The following STK10 variants were observed in gnomAD, a reference collection of about 807,000 sequenced individuals.
The protein encoded by STK10 is serine/threonine-protein kinase 10.
STK10 carries 78 observed loss-of-function variants against 113.8 expected under a neutral mutation model. The observed-to-expected ratio is 0.69, with a 90% CI of 0.57 to 0.83. The LOEUF (loss-of-function observed/expected upper bound fraction) is 0.83. Ranked by LOEUF, STK10 falls within the 40% of genes least tolerant of loss-of-function variation. The pLI is 0.00. For missense variants in STK10, 1,109 were observed against 1,280.1 expected (o/e 0.87, Z 2.04); for synonymous variants, 465 against 494.7 (o/e 0.94, Z 0.80).
At chr5:172,065,374 A>G (rs1165405778) in intron 12 of STK10, among the ~76,000 whole-genome samples, 1 of 145,762 alleles carries the variant, frequency 6.9e-6, no homozygotes, top group Non-Finnish European at 1.5e-5. Flanking sequence ...ACAAGTGTGC[A>G]CCACCACACC....
chr5:172,111,880 A>G (rs1253735930), intron 4 of STK10, among the ~76,000 whole-genome samples: 1 of 152,258 alleles, frequency 6.6e-6, no homozygotes, highest in East Asian at 1.9e-4. Context: ...TTACTCATAT[A>G]TGTAAAAAAT....
intron 1 of STK10, among the ~76,000 whole-genome samples, chr5:172,158,595 C>T (rs892574397): frequency 1.4e-4 from 22 of 152,206 alleles, no homozygotes; most frequent in Non-Finnish European, 2.2e-4. Context: ...CGACTGCACT[C>T]CAGCCTGGAT....
At chr5:172,089,026 G>A (rs747162540) in intron 10 of STK10, among the ~76,000 whole-genome samples, 11 of 151,948 alleles carry the variant, frequency 7.2e-5, no homozygotes, top group Non-Finnish European at 1.3e-4. Flanking sequence ...CCCTCTTCCC[G>A]GCCACTGCCC....
chr5:172,118,822 T>TA (rs1561815131), intron 3 of STK10, among the ~76,000 whole-genome samples: 1 of 141,822 alleles, frequency 7.1e-6, no homozygotes, highest in African/African-American at 2.7e-5. Flanking sequence ...GAGGTTGCAG[T>TA]GAGCCGAGAT....
intron 2 of STK10, among the ~76,000 whole-genome samples, chr5:172,152,914 G>T (rs568655199): frequency 6.6e-6 from 1 of 152,186 alleles, no homozygotes; most frequent in South Asian, 2.1e-4. Flanking sequence ...TTATACACTG[G>T]GTTAAATAAA....
At chr5:172,113,143 G>GT (rs908713113) in intron 4 of STK10, among the ~76,000 whole-genome samples, 1 of 152,152 alleles carries the variant, frequency 6.6e-6, no homozygotes. Context: ...GGTTTTGTGG[G>GT]TTTTTTTGTT....
intron 2 of STK10, among the ~76,000 whole-genome samples, chr5:172,140,555 G>C (rs1008364043): frequency 6.6e-5 from 10 of 152,180 alleles, no homozygotes; most frequent in African/African-American, 2.2e-4. Context: ...AAATTAGCCT[G>C]GTGTGGTGGC....
chr5:172,126,831 C>T (rs1769631924), intron 3 of STK10, among the ~76,000 whole-genome samples: 1 of 152,132 alleles, frequency 6.6e-6, no homozygotes, highest in Admixed American at 6.5e-5. Flanking sequence ...CTCGGTTTTA[C>T]CTCCTGAGAG....
At position 172,061,280 on chromosome 5, in the gene STK10, G is replaced by A; in HGVS notation, c.2083-12C>T. The A allele has an allele frequency of 6.2e-7, 1 of 1,607,222 alleles. No homozygotes were observed. Among genetic ancestry groups the A allele is most frequent in the Non-Finnish European group, 8.5e-7 (1 of 1,178,340 alleles). On this transcript the variant is annotated splice_polypyrimidine_tract_variant and intron_variant, in intron 13 of 18. Transcript: ENST00000176763. ...ACAAAGTCCCGGTCCTGTGGGGAGA[G>A]AGGAGGACAGGCCTTTATCCAGAGC... is the stretch of plus-strand genomic sequence containing the variant.
At position 172,159,992 on chromosome 5, in the gene STK10, T is replaced by G. The variant is rs1253190344; in HGVS notation, c.157-3204A>C. The stretch of plus-strand genomic sequence containing the variant: ...CTCTACTAAAAATACAAAAATTAGC[T>G]GGGCGTGGTGGCAGACGCCTGTAAT... On this transcript the variant is annotated intron_variant, in intron 1 of 18. Coordinates refer to ENST00000176763, the MANE Select transcript of STK10 (RefSeq NM_005990.4). Among the ~76,000 whole-genome samples, 3 of 150,574 alleles carry G rather than the reference T, an allele frequency of 2.0e-5. No individual in the cohort carries two copies. In the East Asian group the frequency reaches 5.9e-4, roughly 30 times the overall value.
Position 172,187,751 on chromosome 5 carries a change from G to A in STK10, c.156+136C>T. On this transcript the variant is annotated intron_variant, in intron 1 of 18. Coordinates refer to ENST00000176763, the MANE Select transcript of STK10 (RefSeq NM_005990.4). The surrounding 1 kb of genome is among the most constrained non-coding windows in gnomAD (Gnocchi z 4.6). ...CCCCCCAAAAAACAAGAGTCATCGG[G>A]ATGAGGGCCAGGGACCCCGAATTCA... 1 of 1,314,882 alleles carries A rather than the reference G, an allele frequency of 7.6e-7. No homozygotes were observed. Among genetic ancestry groups the A allele is most frequent in the Non-Finnish European group, 1.0e-6 (1 of 972,856 alleles). 81.5% of individuals were successfully genotyped at this position (1,314,882 alleles called of 1,614,324 possible).
Position 172,187,954 on chromosome 5 carries a change from A to C in STK10, c.89T>G (p.Leu30Arg), listed in dbSNP as rs1020412150. Residue 30 changes from leucine to arginine, a missense_variant, in exon 1 of 19, where the codon CTG becomes CGG. Leu to Arg is a moderately radical substitution (Grantham distance 102). Around this residue, in one of 5 missense-constraint regions of STK10, gnomAD observed 57 missense variants for 53.6 expected, o/e 1.06. Coordinates refer to ENST00000176763, the MANE Select transcript of STK10 (RefSeq NM_005990.4). The surrounding 1 kb of genome is among the most constrained non-coding windows in gnomAD (Gnocchi z 4.6). ...SREYEHVRRD[L>R]DPNEVWEIVG... ...GATCTCCCACACCTCGTTGGGGTCC[A>C]GGTCGCGGCGGACGTGCTCATATTC... is the stretch of plus-strand genomic sequence containing the variant. 5 of 1,613,502 alleles carry C rather than the reference A, an allele frequency of 3.1e-6. No individual in the cohort carries two copies. In the Admixed American group the frequency reaches 6.7e-5, roughly 22 times the overall value.
chr5:172,050,428 T>C (rs909904132), intron 18 of STK10, among the ~76,000 whole-genome samples: 12 of 152,092 alleles, frequency 7.9e-5, no homozygotes, highest in African/African-American at 2.9e-4. Flanking sequence ...CATGGTGGCA[T>C]GTGTTATAGT....
At chr5:172,147,639 G>A (rs999832748) in intron 2 of STK10, among the ~76,000 whole-genome samples, 5 of 152,244 alleles carry the variant, frequency 3.3e-5, no homozygotes, top group South Asian at 2.1e-4. Context: ...TGATCTGCCC[G>A]CCTTGGCCTC....
chr5:172,050,991 A>G (rs1428495225), intron 18 of STK10, among the ~76,000 whole-genome samples: 1 of 152,032 alleles, frequency 6.6e-6, no homozygotes, highest in Non-Finnish European at 1.5e-5. Context: ...GGGTGCCTGT[A>G]ATCCCAGCTG....
intron 3 of STK10, among the ~76,000 whole-genome samples, chr5:172,119,225 T>TCC (rs1427910223): frequency 6.6e-6 from 1 of 151,742 alleles, no homozygotes; most frequent in Non-Finnish European, 1.5e-5. Flanking sequence ...GGAAGAATAT[T>TCC]CCTGGAAAGG....
intron 2 of STK10, among the ~76,000 whole-genome samples, chr5:172,128,392 C>T (rs1471901248): frequency 1.4e-4 from 20 of 146,562 alleles, no homozygotes; most frequent in African/African-American, 3.3e-4. Flanking sequence ...CCCAGGCTAG[C>T]GTGCAATGGC....
chr5:172,080,763 G>A lies in STK10; in HGVS notation c.1989+1563C>T, dbSNP rs576657169. Among the ~76,000 whole-genome samples, 10 of 151,102 alleles carry A rather than the reference G, an allele frequency of 6.6e-5. No individual in the cohort carries two copies. In the East Asian group the frequency reaches 1.2e-3, roughly 17 times the overall value. ...AGAAAAGATGCCATCTCCATAACGT[G>A]AAAGTGCAAGGTGCAGCAGCAAGTG... is the stretch of plus-strand genomic sequence containing the variant. On this transcript the variant is annotated intron_variant, in intron 12 of 18. Coordinates refer to ENST00000176763, the MANE Select transcript of STK10 (RefSeq NM_005990.4).
At chr5:172,089,396 GGATGGA>G in intron 10 of STK10, among the ~76,000 whole-genome samples, 1 of 11,620 alleles carries the variant, frequency 8.6e-5, no homozygotes, top group South Asian at 6.7e-3. Context: ...GTGGATACAT[GGATGGA>G]TGGATGGATG....
Sources: allele counts gnomAD v4.1 joint callset (sites outside exome capture counted in the v4.1 genomes callset), GRCh38; gene constraint gnomAD v4.1.1; regional missense constraint gnomAD v4.1.1; non-coding constraint Gnocchi (gnomAD v3.1); transcripts MANE v1.5; gene names NCBI Gene and HGNC (gene_info 2026-07-23, HGNC 2026-07-21).